Variants in SIDT1 observed in about 807,000 individuals in gnomAD.
SIDT1 encodes the protein SID1 transmembrane family member 1.
In SIDT1, 101 loss-of-function variants were observed where a neutral mutation model predicts 107.5. That is an observed-to-expected ratio of 0.94 (90% confidence interval 0.80 to 1.11). The LOEUF (loss-of-function observed/expected upper bound fraction) is 1.11, where lower values mean the gene tolerates loss of function less well. SIDT1 is among the 50% of genes least tolerant of loss of function. SIDT1 has a pLI of 0.00. For missense variants in SIDT1, 1,076 were observed against 1,058.2 expected, an observed-to-expected ratio of 1.02 and a Z score of -0.23; for synonymous variants, 395 against 398.2, an observed-to-expected ratio of 0.99 and a Z score of 0.10.
downstream of SIDT1, among the ~76,000 whole-genome samples, chr3:113,633,955 C>T (rs559021649): frequency 4.1e-4 from 63 of 152,316 alleles, no homozygotes; most frequent in Non-Finnish European, 7.6e-4. Flanking sequence ...TACAGCCTGT[C>T]GGACGCCTAC....
chr3:113,623,664 C>T lies in SIDT1; in HGVS notation c.2238C>T (p.Cys746=). The change falls in exon 23 of 25, where the codon TGC becomes TGT. Residue 746 remains cysteine (C), a synonymous_variant. Transcript: ENST00000264852. Reference sequence around the variant, plus strand: ...AGGTCCTCCCAGTCCCGCTCTTCTGCATCGTGGCCACCGCTGTGATGTGGG... The same window carrying T: ...AGGTCCTCCCAGTCCCGCTCTTCTGTATCGTGGCCACCGCTGTGATGTGGG... ...SEKVLPVPLF[C]IVATAVMWAA... is the part of the protein sequence containing the mutation. The T allele has an allele frequency of 6.2e-7, 1 of 1,614,166 alleles. No homozygotes were observed. The highest frequency in any genetic ancestry group is 8.5e-7 in the Non-Finnish European group (1 of 1,180,016).
At chr3:113,564,635 T>C (rs1466617161) in intron 1 of SIDT1, among the ~76,000 whole-genome samples, 1 of 152,262 alleles carries the variant, frequency 6.6e-6, no homozygotes, top group Non-Finnish European at 1.5e-5. Flanking sequence ...AGGATGAATC[T>C]CCAGTTTCAG....
At chr3:113,636,132 C>T in the SIDT1 span, among the ~76,000 whole-genome samples, 2 of 152,090 alleles carry the variant, frequency 1.3e-5, no homozygotes, top group South Asian at 4.1e-4. Flanking sequence ...GGGCCAGGCA[C>T]AGTGGCTTAA....
rs1369289120 is a variant in SIDT1 at position 113,623,605 on chromosome 3, C to A, written c.2197-18C>A. On this transcript the variant is annotated intron_variant, in intron 22 of 24. Coordinates refer to ENST00000264852, the MANE Select transcript of SIDT1 (RefSeq NM_017699.3). Reference sequence around the variant, plus strand: ...AAGGCGGGGTCGCGTGAGGCCGCATCTGCTTCTCCTCCCACAGCTCCGCAG... The same window carrying A: ...AAGGCGGGGTCGCGTGAGGCCGCATATGCTTCTCCTCCCACAGCTCCGCAG... 1 of 1,607,840 alleles carries A rather than the reference C, an allele frequency of 6.2e-7. No homozygotes were observed. The highest frequency in any genetic ancestry group is 1.3e-5 in the African/African-American group (1 of 74,854).
At chr3:113,606,695 G>A (rs1370531023) in intron 14 of SIDT1, 3 of 181,776 alleles carry the variant, frequency 1.7e-5, no homozygotes, top group Non-Finnish European at 1.2e-5. Flanking sequence ...CAGTAACCTA[G>A]AAAATAAGAC....
intron 3 of SIDT1, among the ~76,000 whole-genome samples, chr3:113,572,842 G>T (rs1461244744): frequency 6.6e-6 from 1 of 152,206 alleles, no homozygotes; most frequent in Non-Finnish European, 1.5e-5. Context: ...AGGAGAGAGT[G>T]TGTGAGTGAG....
At chr3:113,542,902 T>TTGTGTGTGTGTG (rs71625216) in intron 1 of SIDT1, among the ~76,000 whole-genome samples, 1 of 145,144 alleles carries the variant, frequency 6.9e-6, no homozygotes, top group African/African-American at 2.6e-5. Flanking sequence ...TTTTGCTTGG[T>TTGTGTGTGTGTG]TGTGTGTGTG....
chr3:113,569,123 A>C (rs927809824), intron 3 of SIDT1, among the ~76,000 whole-genome samples: 1 of 129,954 alleles, frequency 7.7e-6, no homozygotes, highest in African/African-American at 2.9e-5. Flanking sequence ...TGGGTGAAGG[A>C]GTGAGACTCC....
In SIDT1 at chr3:113,560,525, G is replaced by A. The variant is rs1388342234; in HGVS notation, c.223-5895G>A. 3.9e-5 allele frequency among the ~76,000 whole-genome samples: 6 copies of A among 152,148 alleles called. No individual in the cohort carries two copies. In the East Asian group the frequency reaches 5.8e-4, roughly 15 times the overall value. ...ATGGGAAAGATGGGAGGGAGGGAGC[G>A]AGGAGGAGCTGTAGAGGTACACCCA... On this transcript the variant is annotated intron_variant, in intron 1 of 24. Transcript: ENST00000264852.
intron 21 of SIDT1, among the ~76,000 whole-genome samples, chr3:113,620,569 G>C (rs1317374710): frequency 6.6e-6 from 1 of 152,100 alleles, no homozygotes; most frequent in East Asian, 1.9e-4. Context: ...CTTCAGAGGA[G>C]GCCAGAATCA....
At chr3:113,570,085 T>C (rs562414408) in intron 3 of SIDT1, among the ~76,000 whole-genome samples, 3 of 152,238 alleles carry the variant, frequency 2.0e-5, no homozygotes, top group African/African-American at 7.2e-5. Flanking sequence ...TTTGTATTTT[T>C]AGTAGAGACG....
At chr3:113,580,753 A>G (rs1487995654) in intron 5 of SIDT1, 44 bp downstream of exon 5, 1 of 1,203,626 alleles carries the variant, frequency 8.3e-7, no homozygotes, top group African/African-American at 1.5e-5. Context: ...AGAGCATTAT[A>G]TTATTCCAGA....
chr3:113,581,137 A>G lies in SIDT1; in HGVS notation c.664-224A>G, dbSNP rs1385264704. On this transcript the variant is annotated intron_variant, in intron 5 of 24. Transcript: ENST00000264852. ...TTATACACTTTAAGACAATATTTTT[A>G]TAGTTCTCTTCAATATAACATGACT... Among the ~76,000 whole-genome samples, 4 of 152,164 alleles carry G rather than the reference A, an allele frequency of 2.6e-5. 1 individual carries two copies. The highest frequency in any genetic ancestry group is 6.5e-5 in the Admixed American group (1 of 15,280).
intron 1 of SIDT1, among the ~76,000 whole-genome samples, chr3:113,553,544 T>C (rs1940507895): frequency 6.6e-6 from 1 of 152,180 alleles, no homozygotes; most frequent in African/African-American, 2.4e-5. Context: ...AAAATAATTA[T>C]TTTTCCTTTT....
chr3:113,558,043 C>G (rs1247331515), intron 1 of SIDT1, among the ~76,000 whole-genome samples: 2 of 151,768 alleles, frequency 1.3e-5, no homozygotes, highest in Non-Finnish European at 2.9e-5. Flanking sequence ...GAGAGAGAGA[C>G]AGACAGACAG....
rs141350402 is a variant in SIDT1, at chr3:113,581,378, C to T, written c.681C>T (p.Leu227=). 57 of 1,613,612 alleles carry T rather than the reference C, an allele frequency of 3.5e-5. No individual in the cohort carries two copies. Among genetic ancestry groups the T allele is most frequent in the African/African-American group, 6.7e-5 (5 of 74,828 alleles). The change falls in exon 6 of 25, where the codon CTC becomes CTT. Residue 227 remains leucine, a synonymous_variant. Coordinates refer to ENST00000264852, the MANE Select transcript of SIDT1 (RefSeq NM_017699.3). The part of the protein sequence containing the change: ...VQNIMCPVYD[L]DHNVEFNGVY... ...TGCTGCAGTGCCCGGTGTATGATCTCGACCACAATGTGGAATTTAATGGTG... is the reference window on the plus strand; with the variant it reads ...TGCTGCAGTGCCCGGTGTATGATCTTGACCACAATGTGGAATTTAATGGTG...
intron 1 of SIDT1, among the ~76,000 whole-genome samples, chr3:113,549,849 T>C (rs1940018359): frequency 6.6e-6 from 1 of 152,202 alleles, no homozygotes; most frequent in Non-Finnish European, 1.5e-5. Flanking sequence ...TCCTACGCTA[T>C]CTTTTGGAAG....
chr3:113,590,777 T>G (rs2107586438), intron 9 of SIDT1, among the ~76,000 whole-genome samples: 1 of 152,324 alleles, frequency 6.6e-6, no homozygotes, highest in Non-Finnish European at 1.5e-5. Context: ...GACTTGTACA[T>G]TGAAAACTGC....
the SIDT1 span, among the ~76,000 whole-genome samples, chr3:113,636,049 C>G: frequency 6.6e-6 from 1 of 152,132 alleles, no homozygotes; most frequent in African/African-American, 2.4e-5. Flanking sequence ...GGAACTCTGA[C>G]ATGCTAACGT....
Sources: allele counts gnomAD v4.1 joint callset (sites outside exome capture counted in the v4.1 genomes callset), GRCh38; gene constraint gnomAD v4.1.1; transcripts MANE v1.5; gene names NCBI Gene and HGNC (gene_info 2026-07-23, HGNC 2026-07-21).